TYW1B: variants seen among roughly 807,000 people sequenced by gnomAD.
TYW1B encodes S-adenosyl-L-methionine-dependent tRNA 4-demethylwyosine synthase TYW1B.
A neutral mutation model predicts 86.9 loss-of-function variants in TYW1B; 73 were observed. That is an observed-to-expected ratio of 0.84 (90% CI 0.70 to 1.02). The LOEUF (loss-of-function observed/expected upper bound fraction) is 1.02. TYW1B is among the 50% of genes least tolerant of loss of function. TYW1B has a pLI of 0.00. For missense variants in TYW1B, 637 were observed against 827.4 expected, an observed-to-expected ratio of 0.77 and a Z score of 2.82; for synonymous variants, 248 against 292.8, an observed-to-expected ratio of 0.85 and a Z score of 1.56.
chr7:72,627,054 A>T (rs1231326223), intron 12 of TYW1B, among the ~76,000 whole-genome samples: 1 of 151,616 alleles, frequency 6.6e-6, no homozygotes, highest in Non-Finnish European at 1.5e-5. Context: ...AACCTCAGCC[A>T]CTCCACTAGG....
intron 7 of TYW1B, among the ~76,000 whole-genome samples, chr7:72,763,842 T>C (rs937767130): frequency 6.6e-6 from 1 of 152,228 alleles, no homozygotes; most frequent in East Asian, 1.9e-4. Flanking sequence ...TACAGAGATA[T>C]TAAATTATTT....
Position 72,812,701 on chromosome 7 carries a change from G to GT in TYW1B, c.238-2037dup, listed in dbSNP as rs1422203647. 6.8e-3 allele frequency among the ~76,000 whole-genome samples: 934 copies of GT among 138,194 alleles called. 2 individuals are homozygous for GT. Among genetic ancestry groups the GT allele is most frequent in the African/African-American group, 0.012 (473 of 37,882 alleles). The allele number at this position is 138,194 out of a possible 152,430, so 90.7% of individuals were successfully genotyped here. A position where few individuals can be genotyped will look rare whatever the true frequency, so the allele number is the denominator to read the frequency against. ...CACATCTTGCTTGCTGCCTTTTGGG[G>GT]TTTTTTTTTTTTTTTTGAGACAGAG... is the stretch of plus-strand genomic sequence containing the variant. On this transcript the variant is annotated intron_variant, in intron 3 of 13. Coordinates refer to ENST00000620995, the MANE Select transcript of TYW1B (RefSeq NM_001145440.3).
At chr7:72,715,705 T>C (rs1301207918) in intron 9 of TYW1B, among the ~76,000 whole-genome samples, 6 of 151,466 alleles carry the variant, frequency 4.0e-5, no homozygotes, top group African/African-American at 1.5e-4. Context: ...AGTTTACCTA[T>C]GTAACAAACC....
chr7:72,716,660 A>G (rs185722772), intron 9 of TYW1B, among the ~76,000 whole-genome samples: 305 of 142,224 alleles, frequency 2.1e-3, no homozygotes, highest in African/African-American at 7.8e-3. Context: ...TGTTTTTGAG[A>G]CAGAGTCTCG....
At chr7:72,608,289 C>T (rs1811850670) in intron 13 of TYW1B, among the ~76,000 whole-genome samples, 1 of 147,522 alleles carries the variant, frequency 6.8e-6, no homozygotes, top group East Asian at 1.9e-4. Context: ...ATAAACTCTT[C>T]TTCTCTTGAG....
chr7:72,705,829 CT>C (rs2129570559), intron 10 of TYW1B, among the ~76,000 whole-genome samples: 1 of 152,282 alleles, frequency 6.6e-6, no homozygotes, highest in African/African-American at 2.4e-5. Context: ...TCCTCAACAA[CT>C]TCCTTGCCTT....
intron 6 of TYW1B, among the ~76,000 whole-genome samples, chr7:72,784,363 T>C (rs1788094226): frequency 6.6e-6 from 1 of 152,238 alleles, no homozygotes; most frequent in South Asian, 2.1e-4. Flanking sequence ...CATCTGATGA[T>C]GGACAAATTG....
chr7:72,817,161 T>G (rs529396219), intron 2 of TYW1B, among the ~76,000 whole-genome samples: 5 of 152,232 alleles, frequency 3.3e-5, no homozygotes, highest in Middle Eastern at 3.4e-3. Flanking sequence ...CCCAACACTT[T>G]GGGAAGCCAA....
chr7:72,673,129 T>TGCACTCCA (rs1813651312), intron 11 of TYW1B, among the ~76,000 whole-genome samples: 1 of 152,178 alleles, frequency 6.6e-6, no homozygotes, highest in South Asian at 2.1e-4. Flanking sequence ...GATCGGCCAC[T>TGCACTCCA]GCACTCCAGC....
intron 6 of TYW1B, among the ~76,000 whole-genome samples, chr7:72,782,385 G>A (rs1265665558): frequency 1.3e-5 from 2 of 152,086 alleles, no homozygotes; most frequent in Non-Finnish European, 2.9e-5. Context: ...TTTTGCCTAG[G>A]ATAAAAACAA....
chr7:72,792,326 CA>C (rs1394879417), intron 6 of TYW1B, among the ~76,000 whole-genome samples: 54 of 114,628 alleles, frequency 4.7e-4, no homozygotes, highest in Admixed American at 4.7e-4. Context: ...GACTCCATCT[CA>C]AAAAAAAAAA....
chr7:72,606,443 C>T (rs1298974681), intron 13 of TYW1B, among the ~76,000 whole-genome samples: 1 of 152,018 alleles, frequency 6.6e-6, no homozygotes, highest in Non-Finnish European at 1.5e-5. Flanking sequence ...GGGAATCCTG[C>T]CCTCCTCCTC....
In TYW1B at chr7:72,826,842, T is replaced by C. The variant is rs782360102; in HGVS notation, c.135+13A>G. On this transcript the variant is annotated intron_variant, in intron 2 of 13. Transcript: ENST00000620995. ...TGCCTAAATACTCTATTAAAAAAAA[T>C]AACTCCACTTACCTGCATCTCGATG... is the stretch of plus-strand genomic sequence containing the variant. 6.2e-7 allele frequency: 1 copy of C among 1,601,174 alleles called. No individual in the cohort carries two copies. The highest frequency in any genetic ancestry group is 1.1e-5 in the South Asian group (1 of 89,254).
intron 8 of TYW1B, among the ~76,000 whole-genome samples, chr7:72,741,737 C>T (rs116010262): frequency 0.012 from 1,852 of 152,128 alleles, 50 homozygotes; most frequent in African/African-American, 0.039. Context: ...TTGAAAGAAG[C>T]GAGAGAGAAG....
At chr7:72,772,489 CAAAGAGA>C (rs1787884463) in intron 7 of TYW1B, among the ~76,000 whole-genome samples, 1 of 151,948 alleles carries the variant, frequency 6.6e-6, no homozygotes, top group Admixed American at 6.6e-5. Flanking sequence ...AATGTTGACC[CAAAGAGA>C]GAAAAATCCA....
chr7:72,632,301 G>A lies in TYW1B; in HGVS notation c.1507-3304C>T, dbSNP rs1226258388. Among the ~76,000 whole-genome samples, 177 of 55,828 alleles carry A rather than the reference G, an allele frequency of 3.2e-3. 4 individuals carry two copies. Among genetic ancestry groups the A allele is most frequent in the African/African-American group, 7.0e-3 (44 of 6,262 alleles). The allele number at this position is 55,828 out of a possible 152,430, so 36.6% of individuals were successfully genotyped here. On this transcript the variant is annotated intron_variant, in intron 11 of 13. Transcript: ENST00000620995. ...TATATACGTGTATATATATATATAC[G>A]TGTATATATATTATATATATTATAT...
At chr7:72,748,217 C>T (rs1165431807) in intron 7 of TYW1B, among the ~76,000 whole-genome samples, 1 of 151,912 alleles carries the variant, frequency 6.6e-6, no homozygotes, top group Admixed American at 6.6e-5. Context: ...TGCAGTGAGC[C>T]GAGATGGCGC....
intron 6 of TYW1B, among the ~76,000 whole-genome samples, chr7:72,778,301 T>C (rs1312996432): frequency 1.3e-5 from 2 of 152,262 alleles, no homozygotes; most frequent in Admixed American, 6.5e-5. Context: ...TGATGTACAA[T>C]AGGCGTTCAA....
intron 11 of TYW1B, among the ~76,000 whole-genome samples, chr7:72,647,178 G>A (rs1422131223): frequency 3.7e-4 from 57 of 152,224 alleles, no homozygotes; most frequent in Middle Eastern, 6.8e-3. Flanking sequence ...AATTGGCAAA[G>A]ATTTTTTTTA....
Sources: gnomAD v4.1 joint callset for allele counts (sites outside exome capture counted in the v4.1 genomes callset) on GRCh38, gnomAD v4.1.1 for gene constraint, MANE v1.5 for transcripts, NCBI Gene and HGNC (gene_info 2026-07-23, HGNC 2026-07-21) for gene names.